The following INPP4B variants were observed in gnomAD, a reference collection of about 807,000 sequenced individuals.
INPP4B encodes inositol polyphosphate-4-phosphatase type II B, also known as inositol polyphosphate 4-phosphatase type II.
A neutral mutation model predicts 122.5 loss-of-function variants in INPP4B; 55 were observed. The ratio of observed to expected loss-of-function variants is 0.45; its 90% CI spans 0.36 to 0.56. INPP4B has a LOEUF of 0.56. Ranked by LOEUF, INPP4B falls within the 20% of genes least tolerant of loss-of-function variation. The pLI is 0.00. For synonymous variants in INPP4B, 403 were observed against 388.7 expected, an observed-to-expected ratio of 1.04 and a Z score of -0.43; for missense variants, 1,000 against 1,097.7, an observed-to-expected ratio of 0.91 and a Z score of 1.26.
intron 3 of INPP4B, among the ~76,000 whole-genome samples, chr4:142,439,869 T>C (rs947637293): frequency 2.6e-5 from 4 of 152,226 alleles, no homozygotes; most frequent in African/African-American, 9.6e-5. Context: ...TCAAATTCTA[T>C]GGGCCAGGTT....
intron 6 of INPP4B, among the ~76,000 whole-genome samples, chr4:142,404,945 A>C (rs754028091): frequency 1.2e-4 from 18 of 151,290 alleles, no homozygotes; most frequent in Non-Finnish European, 2.1e-4. Flanking sequence ...GTATGAAAAG[A>C]AAAAAAAAGA....
intron 12 of INPP4B, among the ~76,000 whole-genome samples, chr4:142,225,151 G>A (rs999713781): frequency 7.2e-5 from 11 of 152,112 alleles, no homozygotes; most frequent in Non-Finnish European, 2.9e-5. Context: ...GGCAGAAGAA[G>A]GTGGAAGAAG....
intron 17 of INPP4B, among the ~76,000 whole-genome samples, chr4:142,154,251 C>T (rs1033967956): frequency 7.2e-5 from 11 of 151,930 alleles, no homozygotes; most frequent in African/African-American, 2.2e-4. Context: ...CAACTAGTCA[C>T]TTTCAATTTA....
intron 9 of INPP4B, among the ~76,000 whole-genome samples, chr4:142,303,890 T>C (rs1007584056): frequency 2.0e-5 from 3 of 152,132 alleles, no homozygotes; most frequent in Admixed American, 1.3e-4. Flanking sequence ...GACCCTTCGG[T>C]TCTTGTCCTC....
chr4:142,081,992 G>A (rs1183891695), intron 25 of INPP4B, 39 bp downstream of exon 25: 4 of 1,257,590 alleles, frequency 3.2e-6, no homozygotes, highest in Non-Finnish European at 4.1e-6. Flanking sequence ...AACTCAAAAT[G>A]ACCTTAAAAG....
chr4:142,510,443 CAT>C (rs1174029632), intron 2 of INPP4B, among the ~76,000 whole-genome samples: 1 of 152,144 alleles, frequency 6.6e-6, no homozygotes, highest in Non-Finnish European at 1.5e-5. Context: ...AAAGAACAAA[CAT>C]AAATTTAATT....
chr4:142,522,967 T>C (rs927119119), intron 2 of INPP4B, among the ~76,000 whole-genome samples: 1 of 152,122 alleles, frequency 6.6e-6, no homozygotes, highest in African/African-American at 2.4e-5. Flanking sequence ...AGCAGTCATG[T>C]CTGATTAGTA....
chr4:142,412,376 AAG>A (rs1804795252), intron 5 of INPP4B, among the ~76,000 whole-genome samples: 2 of 152,052 alleles, frequency 1.3e-5, no homozygotes, highest in Admixed American at 1.3e-4. Flanking sequence ...CAAGAATTTT[AAG>A]ACAGCAATTT....
intron 9 of INPP4B, among the ~76,000 whole-genome samples, chr4:142,294,304 G>A (rs1757627640): frequency 7.6e-6 from 1 of 132,288 alleles, no homozygotes; most frequent in South Asian, 2.9e-4. Flanking sequence ...GGAATGATGA[G>A]CTCTGACATC....
intron 1 of INPP4B, among the ~76,000 whole-genome samples, chr4:142,805,872 G>A (rs1329161915): frequency 2.0e-5 from 3 of 152,096 alleles, no homozygotes; most frequent in East Asian, 1.9e-4. Flanking sequence ...TCAACTGCAC[G>A]GGTGTTGGCA....
intron 9 of INPP4B, among the ~76,000 whole-genome samples, chr4:142,303,802 G>T (rs1293830051): frequency 3.3e-5 from 5 of 152,064 alleles, no homozygotes; most frequent in Non-Finnish European, 4.4e-5. Flanking sequence ...AATCAAAAGT[G>T]AAGAAATTTG....
At chr4:142,651,997 C>T (rs1435044327) in intron 2 of INPP4B, among the ~76,000 whole-genome samples, 3 of 152,172 alleles carry the variant, frequency 2.0e-5, no homozygotes, top group Non-Finnish European at 4.4e-5. Context: ...CTCAATCCAG[C>T]AGCACATCAA....
At chr4:142,309,701 G>C (rs1168627991) in intron 8 of INPP4B, among the ~76,000 whole-genome samples, 1 of 152,184 alleles carries the variant, frequency 6.6e-6, no homozygotes. Flanking sequence ...CTGCCTGCAC[G>C]ACATGCAGCT....
chr4:142,652,769 T>C (rs1029038866), intron 2 of INPP4B, among the ~76,000 whole-genome samples: 1 of 152,158 alleles, frequency 6.6e-6, no homozygotes, highest in African/African-American at 2.4e-5. Context: ...ATCAATATTG[T>C]GAAAATAGCC....
chr4:142,836,662 G>A (rs1162885612), intron 1 of INPP4B, among the ~76,000 whole-genome samples: 1 of 149,646 alleles, frequency 6.7e-6, no homozygotes, highest in African/African-American at 2.5e-5. Flanking sequence ...ATTTTTCTAG[G>A]AGAAAAACAA....
At chr4:142,776,735 T>C (rs1561056706) in intron 1 of INPP4B, among the ~76,000 whole-genome samples, 2 of 152,178 alleles carry the variant, frequency 1.3e-5, no homozygotes, top group East Asian at 3.8e-4. Flanking sequence ...CATTATAATT[T>C]TGTGTTCTCT....
intron 2 of INPP4B, among the ~76,000 whole-genome samples, chr4:142,532,795 T>C (rs562951288): frequency 1.1e-4 from 16 of 152,326 alleles, no homozygotes; most frequent in Admixed American, 6.5e-4. Flanking sequence ...TTATAAACTG[T>C]AATTATGAAA....
chr4:142,599,456 C>T (rs1386145884), intron 2 of INPP4B, among the ~76,000 whole-genome samples: 1 of 152,152 alleles, frequency 6.6e-6, no homozygotes. Context: ...AGAGAATATG[C>T]TATGGCACAC....
At chr4:142,382,593 T>G (rs1794539456) in intron 7 of INPP4B, among the ~76,000 whole-genome samples, 1 of 140,348 alleles carries the variant, frequency 7.1e-6, no homozygotes. Flanking sequence ...ATATATACTA[T>G]AAATATATAT....
Sources: gnomAD v4.1 joint callset for allele counts (sites outside exome capture counted in the v4.1 genomes callset) on GRCh38, gnomAD v4.1.1 for gene constraint, MANE v1.5 for transcripts, NCBI Gene and HGNC (gene_info 2026-07-23, HGNC 2026-07-21) for gene names.